The following TMEM74 variants were observed in gnomAD, a reference collection of about 807,000 sequenced individuals.
TMEM74 encodes transmembrane protein 74.
In TMEM74, 13 loss-of-function variants were observed where a neutral mutation model predicts 18.1. That is an observed-to-expected ratio of 0.72 (90% CI 0.47 to 1.14). TMEM74 has a LOEUF of 1.14. Among genes scored for constraint, TMEM74 ranks in the 50% most tolerant of loss-of-function variants. The pLI is 0.00. For missense variants in TMEM74, 372 were observed against 375.9 expected (o/e 0.99, Z 0.09); for synonymous variants, 159 against 146.6 (o/e 1.08, Z -0.61).
chr8:108,679,839 T>C (rs553122952), intron 1 of TMEM74, among the ~76,000 whole-genome samples: 160 of 152,324 alleles, frequency 1.1e-3, no homozygotes, highest in Non-Finnish European at 2.0e-3. Flanking sequence ...ATGTCCTGAA[T>C]GGTATTGCCT....
intron 1 of TMEM74, among the ~76,000 whole-genome samples, chr8:108,748,607 T>C (rs961072677): frequency 4.6e-5 from 7 of 152,044 alleles, no homozygotes; most frequent in African/African-American, 1.7e-4. Context: ...TTTGTTGCAA[T>C]TACTTTTGGT....
chr8:108,705,346 T>C (rs1283767167), intron 1 of TMEM74, among the ~76,000 whole-genome samples: 1 of 152,200 alleles, frequency 6.6e-6, no homozygotes, highest in African/African-American at 2.4e-5. Flanking sequence ...TTTTAGTGTG[T>C]TGTAGTGGAA....
intron 1 of TMEM74, among the ~76,000 whole-genome samples, chr8:108,712,358 T>C (rs1813482935): frequency 6.6e-6 from 1 of 152,216 alleles, no homozygotes; most frequent in Admixed American, 6.5e-5. Flanking sequence ...CTTGAAACTA[T>C]GTAAATATCT....
chr8:108,635,691 A>G (rs1024188964), intron 2 of TMEM74, among the ~76,000 whole-genome samples: 3 of 152,006 alleles, frequency 2.0e-5, no homozygotes, highest in Non-Finnish European at 2.9e-5. Flanking sequence ...AAAACCAAAA[A>G]TCTCAGCTTA....
chr8:108,741,758 G>A (rs1413896427), intron 1 of TMEM74, among the ~76,000 whole-genome samples: 1 of 152,132 alleles, frequency 6.6e-6, no homozygotes, highest in Admixed American at 6.6e-5. Flanking sequence ...CCTTACTAAT[G>A]GATAACAGTT....
chr8:108,709,559 A>G (rs1813454454), intron 1 of TMEM74, among the ~76,000 whole-genome samples: 1 of 152,200 alleles, frequency 6.6e-6, no homozygotes, highest in Admixed American at 6.5e-5. Context: ...GTTCAGTGGC[A>G]TAAAGTTTCA....
At chr8:108,674,654 G>A (rs2935807) in intron 1 of TMEM74, among the ~76,000 whole-genome samples, 24 of 152,066 alleles carry the variant, frequency 1.6e-4, no homozygotes, top group African/African-American at 5.6e-4. Flanking sequence ...TGATCTATAA[G>A]AGAAGTTGAC....
chr8:108,766,977 T>C (rs1814115325), intron 1 of TMEM74, among the ~76,000 whole-genome samples: 1 of 152,170 alleles, frequency 6.6e-6, no homozygotes, highest in Non-Finnish European at 1.5e-5. Context: ...GCCTGCTTTA[T>C]TATAGCTGCA....
chr8:108,724,342 TTTAA>T (rs1813613175), intron 1 of TMEM74, among the ~76,000 whole-genome samples: 2 of 152,170 alleles, frequency 1.3e-5, no homozygotes, highest in South Asian at 4.1e-4. Context: ...AGTCCCCTTA[TTTAA>T]TTGAGTATCA....
intron 2 of TMEM74, among the ~76,000 whole-genome samples, chr8:108,646,833 G>T (rs1812724939): frequency 6.6e-6 from 1 of 151,928 alleles, no homozygotes; most frequent in Non-Finnish European, 1.5e-5. Flanking sequence ...CTAAAAAATG[G>T]CCAGGGCAAC....
At chr8:108,647,028 C>A (rs1416742444) in intron 2 of TMEM74, among the ~76,000 whole-genome samples, 1 of 152,128 alleles carries the variant, frequency 6.6e-6, no homozygotes, top group African/African-American at 2.4e-5. Context: ...AGCTCTGTTT[C>A]TTGTAACTCA....
intron 2 of TMEM74, among the ~76,000 whole-genome samples, chr8:108,648,975 A>C (rs1429909536): frequency 1.3e-5 from 2 of 152,170 alleles, no homozygotes; most frequent in Non-Finnish European, 2.9e-5. Flanking sequence ...TATTTATATT[A>C]AGCTACTTAA....
intron 2 of TMEM74, among the ~76,000 whole-genome samples, chr8:108,632,704 T>C (rs1435653951): frequency 1.3e-5 from 2 of 152,002 alleles, no homozygotes; most frequent in African/African-American, 4.8e-5. Context: ...AGATTAGTCA[T>C]TTTGGACTTC....
intron 1 of TMEM74, among the ~76,000 whole-genome samples, chr8:108,707,158 G>A (rs1448244932): frequency 2.7e-5 from 4 of 145,878 alleles, no homozygotes; most frequent in African/African-American, 1.0e-4. Flanking sequence ...ACACAGGGCG[G>A]GGAACATCAC....
intron 2 of TMEM74, among the ~76,000 whole-genome samples, chr8:108,622,377 A>C (rs1812452814): frequency 6.6e-6 from 1 of 152,130 alleles, no homozygotes; most frequent in Non-Finnish European, 1.5e-5. Context: ...AGCTTGCTCA[A>C]GATCCCACAA....
intron 1 of TMEM74, among the ~76,000 whole-genome samples, chr8:108,765,430 G>T: frequency 3.1e-5 from 2 of 64,908 alleles, no homozygotes; most frequent in African/African-American, 6.2e-5. Context: ...TTTTTTAGAT[G>T]GAGTCTCACT....
intron 2 of TMEM74, among the ~76,000 whole-genome samples, chr8:108,642,382 A>G (rs1045195454): frequency 7.0e-6 from 1 of 142,774 alleles, no homozygotes; most frequent in African/African-American, 2.7e-5. Flanking sequence ...ACAGAGCGAG[A>G]CTCCATCTCA....
chr8:108,646,543 C>T (rs183205563), intron 2 of TMEM74, among the ~76,000 whole-genome samples: 106 of 152,078 alleles, frequency 7.0e-4, no homozygotes, highest in African/African-American at 2.4e-3. Flanking sequence ...CAAGAATATG[C>T]CTTTTATTGT....
rs145865213 is a variant in TMEM74 at position 108,779,608 on chromosome 8, C to A, written c.*4573G>T. Among the ~76,000 whole-genome samples, 2 of 152,274 alleles carry A rather than the reference C, an allele frequency of 1.3e-5. No homozygotes were observed. The highest frequency in any genetic ancestry group is 2.9e-5 in the Non-Finnish European group (2 of 68,006). On this transcript the variant is annotated 3_prime_UTR_variant, in exon 2 of 2. Transcript: ENST00000297459. ...ATAATTATGGCATCTCATTCTGAGG[C>A]TGATTCCAAATTCTTCATTCATGAC...
Sources: allele counts gnomAD v4.1 joint callset (sites outside exome capture counted in the v4.1 genomes callset), GRCh38; gene constraint gnomAD v4.1.1; transcripts MANE v1.5; gene names NCBI Gene and HGNC (gene_info 2026-07-23, HGNC 2026-07-21).